The following DUOX2 variants were observed in gnomAD, a reference collection of about 807,000 sequenced individuals.
DUOX2 encodes the protein dual oxidase 2.
In DUOX2, 185 loss-of-function variants were observed where a neutral mutation model predicts 183.3. That is an observed-to-expected ratio of 1.01 (90% confidence interval 0.90 to 1.14). DUOX2 has a LOEUF of 1.14. Among genes scored for constraint, DUOX2 ranks in the 50% most tolerant of loss-of-function variants. The probability of loss-of-function intolerance (pLI) is 0.00; values close to 1 mark genes in which losing one functional copy is unlikely to be tolerated. For missense variants in DUOX2, 1,999 were observed against 2,022.9 expected, an observed-to-expected ratio of 0.99 and a Z score of 0.23; for synonymous variants, 788 against 812.4, an observed-to-expected ratio of 0.97 and a Z score of 0.51.
chr15:45,110,063 G>C, intron 9 of DUOX2, 83 bp from the exon 10 acceptor site: 1 of 1,246,810 alleles, frequency 8.0e-7, no homozygotes, highest in Non-Finnish European at 1.2e-6. Context: ...GACTCAGTGG[G>C]GGTTCACTAG....
rs148582136 is a variant in DUOX2, at chr15:45,101,854, G to C, written c.2790C>G (p.Asp930Glu). ...GCGTGAAGCGGAGCTCGCTGTCATG[G>C]TCCCGCAGCATGAAGTGAAAATCCT... Reference protein sequence around the residue: ...TWEDFHFMLRDHDSELRFTQL... With the variant: ...TWEDFHFMLREHDSELRFTQL... The change falls in exon 21 of 34, where the codon GAC (aspartate) becomes GAG (glutamate). Residue 930 changes from aspartate to glutamate, a missense_variant. By Grantham distance (45) the Asp-to-Glu change is conservative (BLOSUM62 2). Around this residue, in one of 3 missense-constraint regions of DUOX2, gnomAD observed 1,628 missense variants for 1,608.6 expected, o/e 1.01. Coordinates refer to ENST00000389039, the MANE Select transcript of DUOX2 (RefSeq NM_001363711.2). 2.5e-6 allele frequency: 4 copies of C among 1,614,200 alleles called. No individual in the cohort carries two copies. The East Asian group carries it at 6.7e-5, about 27-fold the overall frequency.
chr15:45,103,945 A>G lies in DUOX2; in HGVS notation c.2654+15T>C, dbSNP rs756292844. 1 of 1,613,962 alleles carries G rather than the reference A, an allele frequency of 6.2e-7. No homozygotes were observed. Among genetic ancestry groups the G allele is most frequent in the Non-Finnish European group, 8.5e-7 (1 of 1,179,880 alleles). On this transcript the variant is annotated intron_variant, in intron 20 of 33. Coordinates refer to ENST00000389039, the MANE Select transcript of DUOX2 (RefSeq NM_001363711.2). ...ACACCAGGAAGTCTCAGGATTAGAAAGGCACACCCCATACCGCATCATGGT... is the reference window on the plus strand; with the variant it reads ...ACACCAGGAAGTCTCAGGATTAGAAGGGCACACCCCATACCGCATCATGGT...
rs766734829 is a variant in DUOX2 at position 45,099,943 on chromosome 15, G to A, written c.3185-51C>T. 2.0e-5 allele frequency: 32 copies of A among 1,611,766 alleles called. No homozygotes were observed. In the African/African-American group the frequency reaches 2.7e-4, roughly 13 times the overall value. ...GCTTGGCACAGGTGGCCAAGGTCCC[G>A]AGCCCTGGGCTCTCCCATGCAGACT... On this transcript the variant is annotated intron_variant, in intron 24 of 33. Coordinates refer to ENST00000389039, the MANE Select transcript of DUOX2 (RefSeq NM_001363711.2).
At position 45,106,833 on chromosome 15, in the gene DUOX2, T is replaced by C; in HGVS notation, c.1830A>G (p.Leu610=). 2 of 1,596,630 alleles carry C rather than the reference T, an allele frequency of 1.3e-6. No individual in the cohort carries two copies. Among genetic ancestry groups the C allele is most frequent in the Non-Finnish European group, 1.7e-6 (2 of 1,172,388 alleles). ...CAGAGAGGCTGCCTAAGAGCTCACC[T>C]AAGGGAAGGCAGCAGAGAGCAATGA... ...ITIIALCCLP[L]VSLLLSGVVA... Residue 610 remains leucine (L), a splice_region_variant and synonymous_variant, in exon 15 of 34, where the codon TTA becomes TTG. Coordinates refer to ENST00000389039, the MANE Select transcript of DUOX2 (RefSeq NM_001363711.2).
chr15:45,107,083 C>T lies in DUOX2; in HGVS notation c.1694-114G>A, dbSNP rs2288261. On this transcript the variant is annotated intron_variant, in intron 14 of 33. Transcript: ENST00000389039. ...GTATCATCTGTCTTCCCCAGGCCCACCTCCCTGAAACTGTCTCCCTCAAAA... is the reference window on the plus strand; with the variant it reads ...GTATCATCTGTCTTCCCCAGGCCCATCTCCCTGAAACTGTCTCCCTCAAAA... 71 of 1,463,920 alleles carry T rather than the reference C, an allele frequency of 4.8e-5. No individual in the cohort carries two copies. In the East Asian group the frequency reaches 1.8e-3, roughly 36 times the overall value. The allele number at this position is 1,463,920 out of a possible 1,614,324, so 90.7% of individuals were successfully genotyped here. A position where few individuals can be genotyped will look rare whatever the true frequency, so the allele number is the denominator to read the frequency against.
intron 18 of DUOX2, among the ~76,000 whole-genome samples, chr15:45,104,947 A>G (rs1248206492): frequency 6.6e-6 from 1 of 152,132 alleles, no homozygotes; most frequent in Non-Finnish European, 1.5e-5. Context: ...CAGCCTCCCA[A>G]GTAGCTGGGA....
chr15:45,094,378 C>G lies in DUOX2; in HGVS notation c.4525-106G>C, dbSNP rs1192892749. 1.3e-5 allele frequency: 21 copies of G among 1,580,642 alleles called. No individual in the cohort carries two copies. The Admixed American group carries it at 2.9e-4, about 22-fold the overall frequency. ...GGCTGGAATGACTAAGGCTTCAAGC[C>G]CAGGCCTTGAGGAGGAGGCTTAACG... is the stretch of plus-strand genomic sequence containing the variant. On this transcript the variant is annotated intron_variant, in intron 33 of 33. Transcript: ENST00000389039.
rs758134942 is a variant in DUOX2 at position 45,104,105 on chromosome 15, AT to A, written c.2560+34del. ...CATCTCCTTGCTGAAAGACCCCTGGATTCTTGGATAGCCTGCCACCTCCCAG... is the reference window on the plus strand; with the variant it reads ...CATCTCCTTGCTGAAAGACCCCTGGATCTTGGATAGCCTGCCACCTCCCAG... On this transcript the variant is annotated intron_variant, in intron 19 of 33. Transcript: ENST00000389039. The A allele has an allele frequency of 5.0e-6, 8 of 1,614,056 alleles. No individual in the cohort carries two copies. In the South Asian group the frequency reaches 8.8e-5, roughly 18 times the overall value.
In DUOX2 at chr15:45,095,544, C is replaced by T. The variant is rs761782725; in HGVS notation, c.4132G>A (p.Glu1378Lys). ...CCCCCTCCCACCAACACTGACACCT[C>T]AAATTTATGCCACTCCTGATGGCCC... ...GEGHQEWHKFEVSVLVGGGIG... is the reference protein window; with the variant it reads ...GEGHQEWHKFKVSVLVGGGIG... Residue 1378 changes from glutamate to lysine, a missense_variant, in exon 31 of 34, where the codon GAG becomes AAG. Glu to Lys is a moderately conservative substitution (Grantham distance 56, BLOSUM62 1). Coordinates refer to ENST00000389039, the MANE Select transcript of DUOX2 (RefSeq NM_001363711.2). The T allele has an allele frequency of 5.0e-6, 8 of 1,614,126 alleles. No homozygotes were observed. Among genetic ancestry groups the T allele is most frequent in the Non-Finnish European group, 6.8e-6 (8 of 1,180,054 alleles).
At chr15:45,100,629 G>C in intron 23 of DUOX2, 126 bp downstream of exon 23, 2 of 865,870 alleles carry the variant, frequency 2.3e-6, no homozygotes, top group Non-Finnish European at 4.0e-6. Flanking sequence ...CTCTCAGTCA[G>C]GTCAGGAACA....
intron 14 of DUOX2, 57 bp from the exon 15 acceptor site, chr15:45,107,026 C>G: frequency 6.4e-7 from 1 of 1,552,772 alleles, no homozygotes; most frequent in Non-Finnish European, 8.7e-7. Flanking sequence ...TGTGGCCAGA[C>G]CTCTTTCCCC....
intron 9 of DUOX2, 108 bp from the exon 10 acceptor site, chr15:45,110,088 C>A: frequency 1.0e-6 from 1 of 991,888 alleles, no homozygotes; most frequent in South Asian, 1.3e-5. Flanking sequence ...GAGCAGTGGC[C>A]CAGGAACTTC....
At chr15:45,113,649 C>T (rs1894517534) in intron 1 of DUOX2, among the ~76,000 whole-genome samples, 1 of 152,152 alleles carries the variant, frequency 6.6e-6, no homozygotes, top group African/African-American at 2.4e-5. Flanking sequence ...TCCCCATCCG[C>T]CACCCCATCA....
chr15:45,112,906 G>A (rs1894484870), intron 3 of DUOX2, 81 bp downstream of exon 3: 5 of 1,563,256 alleles, frequency 3.2e-6, no homozygotes, highest in Non-Finnish European at 4.4e-6. Context: ...CGTGTTCCCC[G>A]CAGATTCCCC....
chr15:45,113,566 G>A, intron 1 of DUOX2, 141 bp from the exon 2 acceptor site: 1 of 700,204 alleles, frequency 1.4e-6, no homozygotes, highest in East Asian at 2.7e-5. Flanking sequence ...GCTGTTAGAA[G>A]CATCACCGAG....
rs1233050377 is a variant in DUOX2, at chr15:45,108,866, AGCTGGGCAGCCCCATATCTCG to A, written c.1300_1320del (p.Arg434_Ser440del). On this transcript the variant is annotated inframe_deletion, in exon 12 of 34. Transcript: ENST00000389039. The stretch of plus-strand genomic sequence containing the variant: ...CCAAAGGCCAGCAGGGCCTGGCTAT[AGCTGGGCAGCCCCATATCTCG>A]GCCACGTTGGATGCTGCTGGCCACA... 9 of 1,614,106 alleles carry A rather than the reference AGCTGGGCAGCCCCATATCTCG, an allele frequency of 5.6e-6. No individual in the cohort carries two copies. Among genetic ancestry groups the A allele is most frequent in the South Asian group, 3.3e-5 (3 of 91,090 alleles).
intron 8 of DUOX2, 31 bp from the exon 9 acceptor site, chr15:45,110,555 A>G: frequency 6.2e-7 from 1 of 1,613,666 alleles, no homozygotes; most frequent in Non-Finnish European, 8.5e-7. Context: ...TGATGGGGAG[A>G]CAGGCTTCTT....
rs1361865839 is a variant in DUOX2 at position 45,106,914 on chromosome 15, T to A, written c.1749A>T (p.Ala583=). 1 of 1,582,506 alleles carries A rather than the reference T, an allele frequency of 6.3e-7. No homozygotes were observed. Among genetic ancestry groups the A allele is most frequent in the Non-Finnish European group, 8.6e-7 (1 of 1,164,964 alleles). The change falls in exon 15 of 34, where the codon GCA becomes GCT. Residue 583 remains alanine (A), a synonymous_variant. Transcript: ENST00000389039. ...QLTTDGLPQC[A]PLTVLDFFEG... is the part of the protein sequence containing the mutation. ...CAAAGAAGTCAAGCACAGTCAGGGG[T>A]GCACACTGGGGCAGGCCGTCAGTTG...
chr15:45,112,735 C>A lies in DUOX2; in HGVS notation c.161-17G>T. The A allele has an allele frequency of 6.2e-7, 1 of 1,610,082 alleles. No individual in the cohort carries two copies. Among genetic ancestry groups the A allele is most frequent in the Non-Finnish European group, 8.5e-7 (1 of 1,179,852 alleles). ...ACCGGCAGCCTGCGGAGGCAGGGAGCGGGGCTCTGTCTAAGCACTCCATCC... is the reference window on the plus strand; with the variant it reads ...ACCGGCAGCCTGCGGAGGCAGGGAGAGGGGCTCTGTCTAAGCACTCCATCC... On this transcript the variant is annotated splice_polypyrimidine_tract_variant and intron_variant, in intron 3 of 33. Transcript: ENST00000389039.
Sources: allele counts gnomAD v4.1 joint callset (sites outside exome capture counted in the v4.1 genomes callset), GRCh38; gene constraint gnomAD v4.1.1; regional missense constraint gnomAD v4.1.1; transcripts MANE v1.5; gene names NCBI Gene and HGNC (gene_info 2026-07-23, HGNC 2026-07-21).